The following ROBO2 variants were observed in gnomAD, a reference collection of about 807,000 sequenced individuals.
The protein encoded by ROBO2 is roundabout guidance receptor 2.
A neutral mutation model predicts 160.8 loss-of-function variants in ROBO2; 53 were observed. That is an observed-to-expected ratio of 0.33 (90% CI 0.26 to 0.41). The LOEUF (loss-of-function observed/expected upper bound fraction) is 0.41, where lower values mean the gene tolerates loss of function less well. Among genes scored for constraint, ROBO2 ranks in the 10% least tolerant of loss-of-function variants. The probability of loss-of-function intolerance (pLI) is 1.00; values close to 1 mark genes in which losing one functional copy is unlikely to be tolerated. For synonymous variants in ROBO2, 664 were observed against 611.7 expected, an observed-to-expected ratio of 1.09 and a Z score of -1.26; for missense variants, 1,577 against 1,722.4, an observed-to-expected ratio of 0.92 and a Z score of 1.49.
At chr3:76,128,858 C>T (rs1277513161) in intron 2 of ROBO2, among the ~76,000 whole-genome samples, 5 of 151,956 alleles carry the variant, frequency 3.3e-5, no homozygotes, top group African/African-American at 1.2e-4. Flanking sequence ...CATTTTTATC[C>T]TTTTCTTCAC....
At chr3:77,068,139 G>A (rs1019935051) in intron 1 of ROBO2, among the ~76,000 whole-genome samples, 1 of 151,998 alleles carries the variant, frequency 6.6e-6, no homozygotes, top group African/African-American at 2.4e-5. Flanking sequence ...TCATAAAGTT[G>A]TAACTAAAGG....
chr3:77,130,271 A>T (rs539730893), intron 2 of ROBO2, among the ~76,000 whole-genome samples: 6 of 152,240 alleles, frequency 3.9e-5, no homozygotes, highest in Non-Finnish European at 8.8e-5. Context: ...ACTGCACTGT[A>T]CGTTCGTTAG....
chr3:77,081,951 T>C (rs567081141), intron 1 of ROBO2, among the ~76,000 whole-genome samples: 1 of 152,132 alleles, frequency 6.6e-6, no homozygotes, highest in Non-Finnish European at 1.5e-5. Context: ...TACCCTGCCC[T>C]CCAGGAACCA....
At chr3:77,151,878 C>T (rs1275459481) in intron 2 of ROBO2, among the ~76,000 whole-genome samples, 4 of 152,056 alleles carry the variant, frequency 2.6e-5, no homozygotes, top group African/African-American at 9.7e-5. Context: ...TAGGAAAATA[C>T]TATTGGTTTT....
At chr3:76,706,872 A>AT (rs2093173641) in intron 2 of ROBO2, among the ~76,000 whole-genome samples, 1 of 152,000 alleles carries the variant, frequency 6.6e-6, no homozygotes, top group African/African-American at 2.4e-5. Context: ...GAGGGTGACA[A>AT]TTTTTTTCTA....
chr3:76,727,318 A>C (rs2093567568), intron 2 of ROBO2, among the ~76,000 whole-genome samples: 2 of 152,200 alleles, frequency 1.3e-5, no homozygotes, highest in Admixed American at 1.3e-4. Context: ...AAATGAAGAA[A>C]ATAGAAAGGA....
chr3:76,283,508 A>G (rs917272231), intron 2 of ROBO2, among the ~76,000 whole-genome samples: 2 of 151,898 alleles, frequency 1.3e-5, no homozygotes, highest in South Asian at 4.1e-4. Context: ...TCAATCTTAA[A>G]ACATGTGTAT....
At chr3:77,239,062 C>T (rs942429755) in intron 2 of ROBO2, among the ~76,000 whole-genome samples, 3 of 152,202 alleles carry the variant, frequency 2.0e-5, no homozygotes, top group African/African-American at 7.2e-5. Context: ...CCCCCATGTC[C>T]TTGGGATCCT....
At chr3:76,601,908 T>C (rs2087178022) in intron 2 of ROBO2, among the ~76,000 whole-genome samples, 2 of 152,178 alleles carry the variant, frequency 1.3e-5, no homozygotes, top group South Asian at 4.1e-4. Flanking sequence ...CCTGTATAAA[T>C]CTAAATGCCT....
chr3:77,225,100 A>T (rs2086316749), intron 2 of ROBO2, among the ~76,000 whole-genome samples: 1 of 151,824 alleles, frequency 6.6e-6, no homozygotes, highest in South Asian at 2.1e-4. Context: ...TTTTCCCACA[A>T]TTTTTATCTA....
At chr3:77,064,900 C>T (rs1378442744) in intron 1 of ROBO2, among the ~76,000 whole-genome samples, 2 of 152,008 alleles carry the variant, frequency 1.3e-5, no homozygotes, top group Non-Finnish European at 1.5e-5. Flanking sequence ...AGGTTGATGG[C>T]CACCAAGGAA....
chr3:76,564,900 A>G (rs545450964), intron 2 of ROBO2, among the ~76,000 whole-genome samples: 1 of 152,358 alleles, frequency 6.6e-6, no homozygotes, highest in Admixed American at 6.5e-5. Flanking sequence ...GCTTTATAAC[A>G]TCTTTTAGAT....
intron 2 of ROBO2, among the ~76,000 whole-genome samples, chr3:76,504,528 T>C (rs2080677909): frequency 7.5e-6 from 1 of 133,882 alleles, no homozygotes; most frequent in African/African-American, 2.9e-5. Context: ...TCTTTTTTTT[T>C]TTTTTTTTTT....
At chr3:77,380,321 T>A (rs542729912) in intron 2 of ROBO2, among the ~76,000 whole-genome samples, 14 of 152,328 alleles carry the variant, frequency 9.2e-5, no homozygotes, top group African/African-American at 3.4e-4. Context: ...CCTGGAAGTA[T>A]GACAGTGTTG....
intron 2 of ROBO2, among the ~76,000 whole-genome samples, chr3:76,930,807 C>A (rs899718215): frequency 1.3e-5 from 2 of 152,146 alleles, no homozygotes; most frequent in Admixed American, 6.5e-5. Context: ...CTGTTCAGGC[C>A]CTCAGTGGAT....
intron 1 of ROBO2, among the ~76,000 whole-genome samples, chr3:75,923,309 A>G (rs1424897427): frequency 1.3e-5 from 2 of 152,236 alleles, no homozygotes; most frequent in Admixed American, 6.5e-5. Flanking sequence ...CTAAGCATGC[A>G]TGGGCATGAA....
chr3:77,493,130 T>A (rs913477205), intron 4 of ROBO2, 114 bp from the exon 5 acceptor site: 14 of 1,005,620 alleles, frequency 1.4e-5, no homozygotes, highest in Non-Finnish European at 2.0e-5. Context: ...AGGTACAGAG[T>A]TAGGTACCTG....
intron 2 of ROBO2, among the ~76,000 whole-genome samples, chr3:76,142,600 T>A (rs1248893546): frequency 6.6e-6 from 1 of 151,856 alleles, no homozygotes; most frequent in Non-Finnish European, 1.5e-5. Flanking sequence ...ATTTGTGGGA[T>A]CTAAAAATCA....
intron 2 of ROBO2, among the ~76,000 whole-genome samples, chr3:76,211,178 C>T (rs1025171358): frequency 2.6e-5 from 4 of 152,094 alleles, no homozygotes; most frequent in African/African-American, 7.2e-5. Context: ...CTTCAGGAGC[C>T]ATACTTACCC....
Sources: gnomAD v4.1 joint callset for allele counts (sites outside exome capture counted in the v4.1 genomes callset) on GRCh38, gnomAD v4.1.1 for gene constraint, MANE v1.5 for transcripts, NCBI Gene and HGNC (gene_info 2026-07-23, HGNC 2026-07-21) for gene names.